CCDC102B: variants seen among roughly 807,000 people sequenced by gnomAD.
CCDC102B encodes coiled-coil domain containing 102B.
CCDC102B carries 75 observed loss-of-function variants against 57.4 expected under a neutral mutation model. That is an observed-to-expected ratio of 1.31 (90% CI 1.08 to 1.58). CCDC102B has a LOEUF of 1.58. Ranked by LOEUF, CCDC102B falls within the 40% of genes most tolerant of loss-of-function variation. CCDC102B has a pLI of 0.00. For synonymous variants in CCDC102B, 206 were observed against 201.9 expected (o/e 1.02, Z -0.17); for missense variants, 636 against 582.6 (o/e 1.09, Z -0.94).
At chr18:68,880,416 C>T (rs1393498476) in intron 5 of CCDC102B, among the ~76,000 whole-genome samples, 1 of 152,210 alleles carries the variant, frequency 6.6e-6, no homozygotes, top group Non-Finnish European at 1.5e-5. Context: ...CCGGCTCCAG[C>T]CTTGGCCAGC....
At chr18:68,992,015 A>G (rs1373834831) in intron 6 of CCDC102B, among the ~76,000 whole-genome samples, 1 of 152,120 alleles carries the variant, frequency 6.6e-6, no homozygotes, top group African/African-American at 2.4e-5. Flanking sequence ...TTTTCCTGCA[A>G]TGTTTCCAGG....
rs560802311 is a variant in CCDC102B, at chr18:68,826,368, C to T, written c.-15-10381C>T. On this transcript the variant is annotated intron_variant, in intron 1 of 7. Transcript: ENST00000360242. ...GGTGGCCAGAAGCCTTCCTCATTTC[C>T]TTGCCACGTGGGCCTCTCCAAACAA... Among the ~76,000 whole-genome samples, 7 of 152,260 alleles carry T rather than the reference C, an allele frequency of 4.6e-5. No individual in the cohort carries two copies. The South Asian group carries it at 1.0e-3, about 23-fold the overall frequency.
intron 6 of CCDC102B, among the ~76,000 whole-genome samples, chr18:68,947,872 T>C (rs1167399037): frequency 6.6e-6 from 1 of 152,130 alleles, no homozygotes; most frequent in Non-Finnish European, 1.5e-5. Flanking sequence ...TAATATGAAA[T>C]GTTTGAAATT....
intron 2 of CCDC102B, among the ~76,000 whole-genome samples, chr18:68,790,675 G>T (rs952640511): frequency 1.3e-5 from 2 of 152,156 alleles, no homozygotes; most frequent in African/African-American, 4.8e-5. Flanking sequence ...GCAATGCCTC[G>T]CCCTGCTTCG....
chr18:68,730,923 C>T lies in CCDC102B; in HGVS notation c.-67+14329C>T, dbSNP rs143015889. Among the ~76,000 whole-genome samples, 127 of 152,234 alleles carry T rather than the reference C, an allele frequency of 8.3e-4. 1 individual carries two copies. In the East Asian group the frequency reaches 0.015, roughly 19 times the overall value. ...ATTCTGATATCTTGATCTTCTTTGG[C>T]ACATTTAAATTAATATTTATTTGGG... On this transcript the variant is annotated intron_variant, in intron 2 of 3. Transcript: ENST00000578970.
At position 68,987,893 on chromosome 18, in the gene CCDC102B, T is replaced by C. The variant is rs148865052; in HGVS notation, c.1264-23041T>C. 2.9e-3 allele frequency among the ~76,000 whole-genome samples: 442 copies of C among 151,978 alleles called. 2 individuals carry two copies. The Middle Eastern group carries it at 0.054, about 19-fold the overall frequency. On this transcript the variant is annotated intron_variant, in intron 6 of 7. Transcript: ENST00000360242. ...TGGCTATTACTAAAAAGTCAAAAAATAACCTGCTCTTGAGGCTGCAGAAAA... is the reference window on the plus strand; with the variant it reads ...TGGCTATTACTAAAAAGTCAAAAAACAACCTGCTCTTGAGGCTGCAGAAAA...
intron 6 of CCDC102B, among the ~76,000 whole-genome samples, chr18:68,941,358 C>T (rs1313964566): frequency 6.6e-6 from 1 of 151,834 alleles, no homozygotes; most frequent in Non-Finnish European, 1.5e-5. Flanking sequence ...AAGTTGGAGT[C>T]TGTCTTATTT....
chr18:68,785,030 A>G (rs946465504), intron 2 of CCDC102B, among the ~76,000 whole-genome samples: 43 of 127,734 alleles, frequency 3.4e-4, no homozygotes, highest in Non-Finnish European at 6.2e-4. Context: ...TCCTGTGTCC[A>G]TGTGATTTCA....
intron 6 of CCDC102B, among the ~76,000 whole-genome samples, chr18:69,005,551 A>T (rs1243112130): frequency 1.3e-5 from 2 of 152,138 alleles, no homozygotes; most frequent in East Asian, 3.9e-4. Context: ...ATTTATATTT[A>T]CCAGCCTCTC....
chr18:68,728,437 A>C (rs1353920957), intron 2 of CCDC102B, among the ~76,000 whole-genome samples: 1 of 152,176 alleles, frequency 6.6e-6, no homozygotes, highest in Non-Finnish European at 1.5e-5. Flanking sequence ...AACAGAAACA[A>C]AATTATGGCA....
intron 6 of CCDC102B, among the ~76,000 whole-genome samples, chr18:68,911,442 TG>T (rs2040842638): frequency 6.6e-6 from 1 of 151,202 alleles, no homozygotes; most frequent in South Asian, 2.1e-4. Context: ...AGGAGGGTGG[TG>T]GGTGGGAGGA....
intron 2 of CCDC102B, among the ~76,000 whole-genome samples, chr18:68,752,432 A>G (rs192408698): frequency 6.8e-4 from 103 of 150,882 alleles, no homozygotes; most frequent in African/African-American, 2.5e-3. Context: ...GGAAAAGGGG[A>G]AAAAAATAAA....
intron 6 of CCDC102B, among the ~76,000 whole-genome samples, chr18:68,954,057 GT>G (rs550990629): frequency 1.7e-4 from 25 of 149,250 alleles, no homozygotes; most frequent in African/African-American, 2.7e-4. Flanking sequence ...CTAGATAATA[GT>G]TTTTTTTTTA....
At position 68,810,671 on chromosome 18, in the gene CCDC102B, C is replaced by CTTTGTTTGTTTTTT. The variant is rs1568263108; in HGVS notation, c.-16+12493_-16+12494insGTTTGTTTTTTTTT. 7.1e-5 allele frequency among the ~76,000 whole-genome samples: 5 copies of CTTTGTTTGTTTTTT among 70,062 alleles called. 1 individual carries two copies. The highest frequency in any genetic ancestry group is 1.6e-4 in the Admixed American group (1 of 6,286). 46.0% of individuals were successfully genotyped at this position (70,062 alleles called of 152,430 possible). On this transcript the variant is annotated intron_variant, in intron 1 of 7. Transcript: ENST00000360242. ...AGACGGTTTTGAAAAATTTTCTTTT[C>CTTTGTTTGTTTTTT]TTTTCTTTGTTTTTTTTTTTTTTTT... is the stretch of plus-strand genomic sequence containing the variant.
chr18:68,733,143 C>T (rs2032960026), intron 2 of CCDC102B, among the ~76,000 whole-genome samples: 1 of 151,804 alleles, frequency 6.6e-6, no homozygotes, highest in Non-Finnish European at 1.5e-5. Flanking sequence ...CACATCAGCC[C>T]CAAGCAGTGA....
intron 7 of CCDC102B, 106 bp from the exon 8 acceptor site, chr18:69,053,924 C>T (rs759810481): frequency 2.5e-5 from 22 of 864,754 alleles, no homozygotes; most frequent in Non-Finnish European, 3.5e-5. Context: ...ACAATCTATT[C>T]TCTTAGCAAT....
At chr18:68,977,549 A>G (rs1349080198) in intron 6 of CCDC102B, among the ~76,000 whole-genome samples, 3 of 151,378 alleles carry the variant, frequency 2.0e-5, no homozygotes, top group East Asian at 3.9e-4. Context: ...CATTTAAACT[A>G]TAGCACTAAA....
intron 6 of CCDC102B, among the ~76,000 whole-genome samples, chr18:68,898,547 A>T (rs976323790): frequency 6.6e-6 from 1 of 152,108 alleles, no homozygotes; most frequent in Non-Finnish European, 1.5e-5. Context: ...TATTTTGGAG[A>T]TCTCTACTCT....
intron 6 of CCDC102B, among the ~76,000 whole-genome samples, chr18:68,986,430 A>T (rs965999396): frequency 6.6e-6 from 1 of 152,216 alleles, no homozygotes; most frequent in Non-Finnish European, 1.5e-5. Flanking sequence ...AAAGCTTTTG[A>T]TAGAATCCAA....
Sources: gnomAD v4.1 joint callset for allele counts (sites outside exome capture counted in the v4.1 genomes callset) on GRCh38, gnomAD v4.1.1 for gene constraint, MANE v1.5 for transcripts, NCBI Gene and HGNC (gene_info 2026-07-23, HGNC 2026-07-21) for gene names.